ZC3H12B: variants seen among roughly 807,000 people sequenced by gnomAD.
The protein encoded by ZC3H12B is zinc finger CCCH-type containing 12B.
In ZC3H12B, 7 loss-of-function variants were observed where a neutral mutation model predicts 43.9. The observed-to-expected ratio is 0.16, with a 90% CI of 0.09 to 0.30. The LOEUF (loss-of-function observed/expected upper bound fraction) is 0.30, where lower values mean the gene tolerates loss of function less well. ZC3H12B is among the 10% of genes least tolerant of loss of function. The pLI is 1.00. For synonymous variants in ZC3H12B, 222 were observed against 241.7 expected, an observed-to-expected ratio of 0.92 and a Z score of 0.76; for missense variants, 475 against 670.2, an observed-to-expected ratio of 0.71 and a Z score of 3.22.
the ZC3H12B span, among the ~76,000 whole-genome samples, chrX:65,048,972 T>C: frequency 8.9e-6 from 1 of 111,850 alleles, no homozygotes; most frequent in East Asian, 2.8e-4. Flanking sequence ...TTTGCATGTC[T>C]TCTTTGGAGA....
the ZC3H12B span, among the ~76,000 whole-genome samples, chrX:65,053,218 A>G: frequency 4.5e-5 from 5 of 109,965 alleles, no homozygotes; most frequent in South Asian, 3.9e-4. Flanking sequence ...TTAACTCGCT[A>G]TTTACATTAG....
At chrX:65,265,941 A>C in the ZC3H12B span, among the ~76,000 whole-genome samples, 1 of 111,890 alleles carries the variant, frequency 8.9e-6, no homozygotes, top group Non-Finnish European at 1.9e-5. Flanking sequence ...TTCTACATGA[A>C]GGCAGTTTCC....
intron 2 of ZC3H12B, among the ~76,000 whole-genome samples, chrX:65,384,063 T>G (rs2066485050): frequency 9.9e-6 from 1 of 100,893 alleles, no homozygotes; most frequent in East Asian, 3.0e-4. Context: ...TAAAGACACA[T>G]GCACACGTAT....
At chrX:65,417,119 T>C (rs2066971579) in intron 3 of ZC3H12B, among the ~76,000 whole-genome samples, 1 of 112,004 alleles carries the variant, frequency 8.9e-6, no homozygotes, top group Non-Finnish European at 1.9e-5. Flanking sequence ...TGGGGATTTT[T>C]CTAAAATGCA....
intron 3 of ZC3H12B, among the ~76,000 whole-genome samples, chrX:65,458,775 C>A (rs1248393757): frequency 9.0e-6 from 1 of 111,665 alleles, no homozygotes; most frequent in Admixed American, 9.5e-5. Flanking sequence ...CGAAAATTGA[C>A]ACCCTAACAT....
At chrX:65,329,060 A>T in the ZC3H12B span, among the ~76,000 whole-genome samples, 2 of 110,866 alleles carry the variant, frequency 1.8e-5, no homozygotes, top group Non-Finnish European at 3.8e-5. Context: ...TTGAGTATAC[A>T]CCCAGTAATG....
At chrX:65,270,811 G>A in the ZC3H12B span, 1 of 111,531 alleles carries the variant, frequency 9.0e-6, no homozygotes, top group African/African-American at 3.3e-5. Context: ...TTTTATGGCT[G>A]GCTGGAATCC....
At chrX:65,302,697 GC>G in the ZC3H12B span, among the ~76,000 whole-genome samples, 1 of 111,828 alleles carries the variant, frequency 8.9e-6, no homozygotes, top group Non-Finnish European at 1.9e-5. Context: ...ACCCAGAATA[GC>G]CAACTTAGAA....
At chrX:65,057,184 G>A in the ZC3H12B span, among the ~76,000 whole-genome samples, 1 of 111,842 alleles carries the variant, frequency 8.9e-6, no homozygotes, top group Non-Finnish European at 1.9e-5. Flanking sequence ...AGCCTTGATG[G>A]TCTTTACAAT....
chrX:65,384,421 G>C (rs1438370090), intron 2 of ZC3H12B, among the ~76,000 whole-genome samples: 1 of 111,257 alleles, frequency 9.0e-6, no homozygotes, highest in African/African-American at 3.3e-5. Flanking sequence ...TAGATGACGA[G>C]TTAGTGGGTG....
chrX:65,493,212 G>T (rs1292151195), intron 1 of ZC3H12B, among the ~76,000 whole-genome samples: 1 of 110,643 alleles, frequency 9.0e-6, no homozygotes, highest in East Asian at 2.8e-4. Context: ...TTCGAGACCA[G>T]CCTGGCCAAC....
the ZC3H12B span, among the ~76,000 whole-genome samples, chrX:65,130,643 G>T: frequency 9.0e-6 from 1 of 111,719 alleles, no homozygotes; most frequent in Non-Finnish European, 1.9e-5. Flanking sequence ...CTAAGAGGTT[G>T]GCTAGTGGCT....
chrX:65,076,642 C>T, the ZC3H12B span, among the ~76,000 whole-genome samples: 1 of 109,142 alleles, frequency 9.2e-6, no homozygotes, highest in African/African-American at 3.3e-5. Flanking sequence ...ATATCTTTAA[C>T]TTCACTGATT....
At chrX:65,073,108 C>T in the ZC3H12B span, among the ~76,000 whole-genome samples, 17 of 112,289 alleles carry the variant, frequency 1.5e-4, no homozygotes, top group South Asian at 4.8e-3. Flanking sequence ...TGCAAAGATT[C>T]TGACTGCAAT....
chrX:65,179,738 T>C, the ZC3H12B span, among the ~76,000 whole-genome samples: 7 of 111,712 alleles, frequency 6.3e-5, no homozygotes, highest in African/African-American at 2.3e-4. Context: ...CTATGCGAAT[T>C]GCTACAAAGA....
At chrX:65,125,921 T>C in the ZC3H12B span, among the ~76,000 whole-genome samples, 3 of 111,173 alleles carry the variant, frequency 2.7e-5, no homozygotes, top group Non-Finnish European at 1.9e-5. Context: ...TGTTATCTGT[T>C]CCTCCATTCT....
chrX:65,128,221 C>G, the ZC3H12B span, among the ~76,000 whole-genome samples: 1 of 112,185 alleles, frequency 8.9e-6, no homozygotes, highest in African/African-American at 3.2e-5. Context: ...GTAATAATCA[C>G]ATCATGGAGA....
At chrX:65,267,300 A>C in the ZC3H12B span, among the ~76,000 whole-genome samples, 10 of 109,394 alleles carry the variant, frequency 9.1e-5, no homozygotes, top group Non-Finnish European at 1.9e-4. Flanking sequence ...CTACACAAGA[A>C]AAAGAATTCA....
the ZC3H12B span, among the ~76,000 whole-genome samples, chrX:65,197,245 A>T: frequency 8.9e-6 from 1 of 112,033 alleles, no homozygotes; most frequent in East Asian, 2.8e-4. Flanking sequence ...AAAAAATGGC[A>T]CAGGAAAAAA....
Sources: allele counts gnomAD v4.1 joint callset (sites outside exome capture counted in the v4.1 genomes callset), GRCh38; gene constraint gnomAD v4.1.1; transcripts MANE v1.5; gene names NCBI Gene and HGNC (gene_info 2026-07-23, HGNC 2026-07-21).